Variants in PLXDC2 observed in about 807,000 individuals in gnomAD.
PLXDC2 encodes the protein plexin domain containing 2.
PLXDC2 carries 40 observed loss-of-function variants against 68.9 expected under a neutral mutation model. The observed-to-expected ratio is 0.58, with a 90% CI of 0.45 to 0.76. The LOEUF (loss-of-function observed/expected upper bound fraction) is 0.76, where lower values mean the gene tolerates loss of function less well. PLXDC2 is among the 30% of genes least tolerant of loss of function. PLXDC2 has a pLI of 0.00. For synonymous variants in PLXDC2, 243 were observed against 234.2 expected (o/e 1.04, Z -0.34); for missense variants, 644 against 661.9 (o/e 0.97, Z 0.30).
intron 1 of PLXDC2, among the ~76,000 whole-genome samples, chr10:19,847,950 C>T (rs1837041120): frequency 6.6e-6 from 1 of 152,100 alleles, no homozygotes; most frequent in African/African-American, 2.4e-5. Context: ...TTGTATATAC[C>T]TACCGATTGC....
intron 13 of PLXDC2, among the ~76,000 whole-genome samples, chr10:20,268,715 C>T (rs558751691): frequency 2.6e-5 from 4 of 152,262 alleles, no homozygotes; most frequent in Admixed American, 6.5e-5. Flanking sequence ...TTGACAAGAA[C>T]AATTTCTTAA....
intron 1 of PLXDC2, among the ~76,000 whole-genome samples, chr10:19,878,069 T>C (rs866153284): frequency 6.6e-6 from 1 of 152,226 alleles, no homozygotes; most frequent in Non-Finnish European, 1.5e-5. Flanking sequence ...TGTCAAGTCA[T>C]TGAAAATAAG....
intron 13 of PLXDC2, among the ~76,000 whole-genome samples, chr10:20,276,761 A>T (rs1280383828): frequency 1.3e-5 from 2 of 152,078 alleles, no homozygotes; most frequent in Non-Finnish European, 2.9e-5. Context: ...AGAACAACAT[A>T]TCCCTTCTCT....
chr10:19,972,872 A>C (rs573809128), intron 1 of PLXDC2, among the ~76,000 whole-genome samples: 1 of 152,344 alleles, frequency 6.6e-6, no homozygotes, highest in East Asian at 1.9e-4. Context: ...CTGATGAAAC[A>C]AATGTATTTA....
intron 1 of PLXDC2, among the ~76,000 whole-genome samples, chr10:19,920,357 C>T (rs1045078084): frequency 3.3e-5 from 5 of 152,212 alleles, no homozygotes; most frequent in Admixed American, 3.3e-4. Context: ...ACCTGGCCTG[C>T]CACACCCCCA....
intron 13 of PLXDC2, among the ~76,000 whole-genome samples, chr10:20,257,997 C>CTTTCTTTTTTTTTTTTTT (rs1835763468): frequency 1.2e-5 from 1 of 84,326 alleles, no homozygotes. Flanking sequence ...TTTTTTCTTT[C>CTTTCTTTTTTTTTTTTTT]TTTTTTTTTT....
intron 1 of PLXDC2, among the ~76,000 whole-genome samples, chr10:19,962,877 C>G (rs887508918): frequency 1.3e-5 from 2 of 149,696 alleles, no homozygotes; most frequent in African/African-American, 4.9e-5. Context: ...GTAGTCCCAG[C>G]TGCTCGGGAG....
intron 1 of PLXDC2, among the ~76,000 whole-genome samples, chr10:19,913,168 G>A (rs1354589563): frequency 6.6e-6 from 1 of 152,176 alleles, no homozygotes; most frequent in Non-Finnish European, 1.5e-5. Flanking sequence ...AAGTCGATTT[G>A]TAATCCTCAG....
intron 1 of PLXDC2, among the ~76,000 whole-genome samples, chr10:19,864,237 C>T (rs1837373914): frequency 6.6e-6 from 1 of 152,118 alleles, no homozygotes; most frequent in South Asian, 2.1e-4. Context: ...AACTCTTGGC[C>T]TCCAGCAATC....
intron 1 of PLXDC2, among the ~76,000 whole-genome samples, chr10:19,896,899 CATCT>C (rs1217137471): frequency 5.9e-5 from 9 of 152,142 alleles, no homozygotes; most frequent in East Asian, 5.8e-4. Flanking sequence ...AAAATGTATC[CATCT>C]GTCTGCTTAA....
intron 4 of PLXDC2, among the ~76,000 whole-genome samples, chr10:20,135,546 G>T (rs77113189): frequency 0.047 from 7,164 of 152,264 alleles, 223 homozygotes; most frequent in African/African-American, 0.096. Flanking sequence ...CAGGAAGAAG[G>T]TTTGGGCTTT....
chr10:20,004,037 C>A (rs1834984551), intron 2 of PLXDC2, among the ~76,000 whole-genome samples: 1 of 152,134 alleles, frequency 6.6e-6, no homozygotes, highest in African/African-American at 2.4e-5. Context: ...AACCAGGCAG[C>A]ATTCTTTTTA....
At chr10:20,230,835 G>C (rs1416673549) in intron 12 of PLXDC2, among the ~76,000 whole-genome samples, 1 of 147,410 alleles carries the variant, frequency 6.8e-6, no homozygotes, top group Non-Finnish European at 1.5e-5. Context: ...TAATCCAGCA[G>C]TGTCCCTGGA....
chr10:20,086,796 A>G (rs1352505511), intron 4 of PLXDC2, among the ~76,000 whole-genome samples: 1 of 152,190 alleles, frequency 6.6e-6, no homozygotes, highest in Non-Finnish European at 1.5e-5. Flanking sequence ...TGAAAAATCA[A>G]GCCTGTAGCA....
rs576987402 is a variant in PLXDC2 at position 19,836,383 on chromosome 10, A to G, written c.112+19192A>G. Among the ~76,000 whole-genome samples the G allele has an allele frequency of 2.0e-5, 3 of 152,328 alleles. No homozygotes were observed. The South Asian group carries it at 6.2e-4, about 32-fold the overall frequency. On this transcript the variant is annotated intron_variant, in intron 1 of 13. Coordinates refer to ENST00000377252, the MANE Select transcript of PLXDC2 (RefSeq NM_032812.9). Reference sequence around the variant, plus strand: ...GAAACCATGTTAGGATCACTGTCTCAACAAAAATGATCACAGCCTTCCAAA... The same window carrying G: ...GAAACCATGTTAGGATCACTGTCTCGACAAAAATGATCACAGCCTTCCAAA...
At chr10:19,911,411 C>T (rs535635572) in intron 1 of PLXDC2, among the ~76,000 whole-genome samples, 3 of 152,220 alleles carry the variant, frequency 2.0e-5, no homozygotes, top group Non-Finnish European at 4.4e-5. Flanking sequence ...TAAATAAAAC[C>T]TCCTTAGTTG....
chr10:20,090,135 G>T (rs893789879), intron 4 of PLXDC2, among the ~76,000 whole-genome samples: 1 of 152,168 alleles, frequency 6.6e-6, no homozygotes, highest in Non-Finnish European at 1.5e-5. Flanking sequence ...GCCCACAGAT[G>T]TTCATGGTGG....
In PLXDC2 at chr10:19,865,724, A is replaced by T. The variant is rs562214488; in HGVS notation, c.112+48533A>T. Among the ~76,000 whole-genome samples the T allele has an allele frequency of 2.6e-5, 4 of 152,324 alleles. No individual in the cohort carries two copies. In the East Asian group the frequency reaches 7.7e-4, roughly 29 times the overall value. Reference sequence around the variant, plus strand: ...AGAACTGAGACCTTAAAAATGGAAAATTTAGAAAGAACAAACCATTAATGT... The same window carrying T: ...AGAACTGAGACCTTAAAAATGGAAATTTTAGAAAGAACAAACCATTAATGT... On this transcript the variant is annotated intron_variant, in intron 1 of 13. Coordinates refer to ENST00000377252, the MANE Select transcript of PLXDC2 (RefSeq NM_032812.9).
Position 20,282,720 on chromosome 10 carries a change from T to C in PLXDC2, c.*2901T>C, listed in dbSNP as rs1836097461. 1 of 152,178 alleles carries C rather than the reference T, an allele frequency of 6.6e-6. No homozygotes were observed. Among genetic ancestry groups the C allele is most frequent in the African/African-American group, 2.4e-5 (1 of 41,450 alleles). The allele number at this position is 152,178 out of a possible 1,614,324, so 9.4% of individuals were successfully genotyped here. ...AAAAAATTGCAACCTCAGGCATAAA[T>C]GGCTTAAGCCCAAGAGATGGCACTG... On this transcript the variant is annotated 3_prime_UTR_variant, in exon 14 of 14. Coordinates refer to ENST00000377252, the MANE Select transcript of PLXDC2 (RefSeq NM_032812.9).
Sources: gnomAD v4.1 joint callset for allele counts (sites outside exome capture counted in the v4.1 genomes callset) on GRCh38, gnomAD v4.1.1 for gene constraint, MANE v1.5 for transcripts, NCBI Gene and HGNC (gene_info 2026-07-23, HGNC 2026-07-21) for gene names.